The following GRID2 variants were observed in gnomAD, a reference collection of about 807,000 sequenced individuals.
The protein encoded by GRID2 is glutamate receptor ionotropic, delta-2.
A neutral mutation model predicts 114.8 loss-of-function variants in GRID2; 33 were observed. The ratio of observed to expected loss-of-function variants is 0.29; its 90% CI spans 0.22 to 0.38. GRID2 has a LOEUF of 0.38. GRID2 is among the 10% of genes least tolerant of loss of function. The probability of loss-of-function intolerance (pLI) is 1.00; values close to 1 mark genes in which losing one functional copy is unlikely to be tolerated. For synonymous variants in GRID2, 505 were observed against 449.9 expected (o/e 1.12, Z -1.55); for missense variants, 1,184 against 1,257.7 (o/e 0.94, Z 0.89).
chr4:93,448,803 TC>T (rs1199355405), intron 10 of GRID2, among the ~76,000 whole-genome samples: 1 of 8,368 alleles, frequency 1.2e-4, no homozygotes, highest in South Asian at 8.6e-3. Context: ...TCCCTTCCCT[TC>T]CCTTCCCTTC....
At chr4:93,019,538 A>G (rs1723080972) in intron 2 of GRID2, among the ~76,000 whole-genome samples, 1 of 152,110 alleles carries the variant, frequency 6.6e-6, no homozygotes, top group Non-Finnish European at 1.5e-5. Flanking sequence ...CATATCTTCC[A>G]TGTTCACATC....
intron 2 of GRID2, among the ~76,000 whole-genome samples, chr4:92,601,675 C>G (rs368492220): frequency 4.0e-5 from 6 of 151,886 alleles, no homozygotes; most frequent in African/African-American, 7.2e-5. Context: ...CAAGAAATAA[C>G]CAAGATCAGA....
chr4:92,975,797 A>C (rs929374846), intron 2 of GRID2, among the ~76,000 whole-genome samples: 5 of 152,100 alleles, frequency 3.3e-5, no homozygotes, highest in Non-Finnish European at 7.4e-5. Flanking sequence ...TGTCAAGAGA[A>C]TACGAATTTA....
At chr4:93,400,060 T>G (rs997156305) in intron 9 of GRID2, among the ~76,000 whole-genome samples, 4 of 152,128 alleles carry the variant, frequency 2.6e-5, no homozygotes, top group Non-Finnish European at 5.9e-5. Flanking sequence ...TCTGCCTCCA[T>G]ATAGCTAGCA....
intron 4 of GRID2, among the ~76,000 whole-genome samples, chr4:93,189,722 A>G (rs1439026804): frequency 6.6e-6 from 1 of 151,460 alleles, no homozygotes; most frequent in Non-Finnish European, 1.5e-5. Flanking sequence ...GGAACTAAGG[A>G]ATATACAGAT....
chr4:92,586,481 T>A (rs899778832), intron 1 of GRID2, among the ~76,000 whole-genome samples: 1 of 151,936 alleles, frequency 6.6e-6, no homozygotes, highest in African/African-American at 2.4e-5. Flanking sequence ...AGTAAGTATA[T>A]GTATTTTGGG....
At chr4:92,869,096 G>A (rs1035074344) in intron 2 of GRID2, among the ~76,000 whole-genome samples, 15 of 151,888 alleles carry the variant, frequency 9.9e-5, no homozygotes, top group Non-Finnish European at 1.5e-4. Context: ...GTCCATCTCT[G>A]CCTCTTTCTC....
At chr4:93,357,943 A>G (rs115417888) in intron 8 of GRID2, among the ~76,000 whole-genome samples, 6,887 of 151,856 alleles carry the variant, frequency 0.045, 186 homozygotes, top group Middle Eastern at 0.082. Flanking sequence ...TTTGTGATAT[A>G]TTCTAATTAC....
intron 2 of GRID2, among the ~76,000 whole-genome samples, chr4:92,898,668 G>T (rs1160484660): frequency 1.3e-5 from 2 of 152,082 alleles, no homozygotes; most frequent in Non-Finnish European, 2.9e-5. Context: ...AAATCTGGAT[G>T]CTTCAGCAAA....
intron 2 of GRID2, among the ~76,000 whole-genome samples, chr4:92,691,704 G>C (rs931838820): frequency 3.3e-5 from 5 of 152,208 alleles, no homozygotes; most frequent in African/African-American, 1.2e-4. Context: ...ACAAGACCAT[G>C]TTTGGAAAAC....
At chr4:92,381,647 A>C (rs1729624091) in intron 1 of GRID2, among the ~76,000 whole-genome samples, 1 of 152,006 alleles carries the variant, frequency 6.6e-6, no homozygotes, top group South Asian at 2.1e-4. Flanking sequence ...CTCTTTTCTA[A>C]TGCATTCTTT....
At chr4:92,704,517 T>C (rs1734845702) in intron 2 of GRID2, among the ~76,000 whole-genome samples, 1 of 152,196 alleles carries the variant, frequency 6.6e-6, no homozygotes, top group Non-Finnish European at 1.5e-5. Context: ...TACTCAAGTC[T>C]ATCCATTATT....
intron 2 of GRID2, among the ~76,000 whole-genome samples, chr4:92,951,350 T>TTTAC (rs2149134840): frequency 6.6e-6 from 1 of 151,750 alleles, no homozygotes; most frequent in South Asian, 2.1e-4. Context: ...TATTTATTTA[T>TTTAC]TTATTTATTT....
At chr4:93,757,088 G>A (rs890267001) in intron 14 of GRID2, among the ~76,000 whole-genome samples, 1 of 152,146 alleles carries the variant, frequency 6.6e-6, no homozygotes, top group African/African-American at 2.4e-5. Context: ...AGAAGCATGA[G>A]AAAAGAATGC....
chr4:92,619,905 T>TTTG (rs1553908412), intron 2 of GRID2, among the ~76,000 whole-genome samples: 1 of 151,650 alleles, frequency 6.6e-6, no homozygotes, highest in East Asian at 2.0e-4. Context: ...CCTTTTTTTT[T>TTTG]CCCCCACAGG....
chr4:92,469,933 A>G (rs537470166), intron 1 of GRID2, among the ~76,000 whole-genome samples: 1 of 151,964 alleles, frequency 6.6e-6, no homozygotes, highest in Non-Finnish European at 1.5e-5. Flanking sequence ...ATAGGATACA[A>G]AATTTTAAAT....
chr4:93,389,770 G>A (rs551498119), intron 8 of GRID2, among the ~76,000 whole-genome samples: 4 of 151,532 alleles, frequency 2.6e-5, no homozygotes, highest in African/African-American at 7.3e-5. Flanking sequence ...TTCCCTGTGT[G>A]TTGAAGCAAG....
intron 2 of GRID2, among the ~76,000 whole-genome samples, chr4:92,733,333 T>A (rs890830522): frequency 5.3e-5 from 8 of 152,146 alleles, no homozygotes; most frequent in Admixed American, 1.3e-4. Flanking sequence ...GCTTTTTCTG[T>A]TACCTTTATA....
intron 8 of GRID2, among the ~76,000 whole-genome samples, chr4:93,373,767 A>G (rs1490028459): frequency 1.3e-5 from 2 of 152,194 alleles, no homozygotes; most frequent in African/African-American, 4.8e-5. Context: ...GCTATGTGCC[A>G]TTCTTGGGAG....
Sources: gnomAD v4.1 joint callset for allele counts (sites outside exome capture counted in the v4.1 genomes callset) on GRCh38, gnomAD v4.1.1 for gene constraint, MANE v1.5 for transcripts, NCBI Gene and HGNC (gene_info 2026-07-23, HGNC 2026-07-21) for gene names.